DAPK1: variants seen among roughly 807,000 people sequenced by gnomAD.
DAPK1 encodes death-associated protein kinase 1.
Under a neutral mutation model 144.9 loss-of-function variants are expected in DAPK1, and 56 were observed. The ratio of observed to expected loss-of-function variants is 0.39; its 90% CI spans 0.31 to 0.48. DAPK1 has a LOEUF of 0.48. Among genes scored for constraint, DAPK1 ranks in the 20% least tolerant of loss-of-function variants. DAPK1 has a pLI of 0.95. For synonymous variants in DAPK1, 690 were observed against 749.0 expected (o/e 0.92, Z 1.29); for missense variants, 1,454 against 1,875.4 (o/e 0.78, Z 4.15).
rs1564058921 is a variant in DAPK1, at chr9:87,666,483, T to TTTTTG, written c.1924-2110_1924-2109insGTTTT. Among the ~76,000 whole-genome samples, 635 of 148,852 alleles carry TTTTTG rather than the reference T, an allele frequency of 4.3e-3. 6 individuals are homozygous for TTTTTG. The highest frequency in any genetic ancestry group is 0.015 in the African/African-American group (602 of 39,380). On this transcript the variant is annotated intron_variant, in intron 18 of 25. Transcript: ENST00000408954. ...TATATATGTTTTTGTTTTTGTTTTT[T>TTTTTG]TTTTTTTTGAGATGGAGTCTCATTC...
chr9:87,601,830 G>A (rs1463526436), intron 2 of DAPK1, among the ~76,000 whole-genome samples: 3 of 152,124 alleles, frequency 2.0e-5, no homozygotes, highest in African/African-American at 4.8e-5. Context: ...GCTTCTAGCC[G>A]TTACACAATT....
At chr9:87,598,102 G>A (rs1369459495) in intron 2 of DAPK1, among the ~76,000 whole-genome samples, 1 of 152,154 alleles carries the variant, frequency 6.6e-6, no homozygotes, top group Non-Finnish European at 1.5e-5. Flanking sequence ...TTGAGAAACC[G>A]TTTCTGTTCC....
chr9:87,572,975 C>A (rs568049145), intron 2 of DAPK1, among the ~76,000 whole-genome samples: 1 of 152,262 alleles, frequency 6.6e-6, no homozygotes, highest in South Asian at 2.1e-4. Flanking sequence ...AAACACACAG[C>A]TCTCCTCCCA....
intron 3 of DAPK1, among the ~76,000 whole-genome samples, chr9:87,611,143 T>A (rs1355350199): frequency 6.6e-6 from 1 of 152,204 alleles, no homozygotes; most frequent in Non-Finnish European, 1.5e-5. Flanking sequence ...AAGGGCAAGA[T>A]GCACACTTAG....
chr9:87,623,002 C>T (rs1383045552), intron 3 of DAPK1, among the ~76,000 whole-genome samples: 1 of 152,206 alleles, frequency 6.6e-6, no homozygotes, highest in East Asian at 1.9e-4. Flanking sequence ...CCTCAGCAAA[C>T]TGCCACTCAA....
At chr9:87,576,788 C>T (rs1827578384) in intron 2 of DAPK1, among the ~76,000 whole-genome samples, 1 of 152,168 alleles carries the variant, frequency 6.6e-6, no homozygotes, top group Non-Finnish European at 1.5e-5. Context: ...AAATTCCTGA[C>T]CTCAAGTGCT....
At chr9:87,596,421 C>T (rs1302310022) in intron 2 of DAPK1, among the ~76,000 whole-genome samples, 1 of 152,186 alleles carries the variant, frequency 6.6e-6, no homozygotes, top group Non-Finnish European at 1.5e-5. Flanking sequence ...CAGCAATAAG[C>T]CCTGCCCAGC....
intron 2 of DAPK1, among the ~76,000 whole-genome samples, chr9:87,561,370 CA>C (rs1211779266): frequency 2.0e-5 from 3 of 152,054 alleles, no homozygotes; most frequent in Non-Finnish European, 2.9e-5. Context: ...CCTAAAAATA[CA>C]AAAAATTAGC....
rs115714967 is a variant in DAPK1 at position 87,610,688 on chromosome 9, A to G, written c.284+5513A>G. Among the ~76,000 whole-genome samples the G allele has an allele frequency of 3.9e-3, 594 of 152,330 alleles. 1 individual carries two copies. Among genetic ancestry groups the G allele is most frequent in the Middle Eastern group, 0.017 (5 of 294 alleles). On this transcript the variant is annotated intron_variant, in intron 3 of 25. Transcript: ENST00000408954. Reference sequence around the variant, plus strand: ...GGATGGTTGGCCTCCATGAAGCCTCAGTGTCAGGGATGCACCAGCCGTGGA... The same window carrying G: ...GGATGGTTGGCCTCCATGAAGCCTCGGTGTCAGGGATGCACCAGCCGTGGA...
At chr9:87,620,854 T>C (rs1264757433) in intron 3 of DAPK1, among the ~76,000 whole-genome samples, 3 of 152,210 alleles carry the variant, frequency 2.0e-5, no homozygotes, top group Non-Finnish European at 4.4e-5. Flanking sequence ...CCAGTTATAA[T>C]TACCCAGGCT....
intron 2 of DAPK1, among the ~76,000 whole-genome samples, chr9:87,555,117 T>C (rs1403251079): frequency 6.6e-6 from 1 of 152,186 alleles, no homozygotes; most frequent in African/African-American, 2.4e-5. Context: ...GCAGCCTCAG[T>C]ATTATGACTT....
intron 3 of DAPK1, among the ~76,000 whole-genome samples, 154 bp from the exon 4 acceptor site, chr9:87,637,789 C>T (rs1439181100): frequency 6.6e-6 from 1 of 152,212 alleles, no homozygotes; most frequent in Non-Finnish European, 1.5e-5. Context: ...TTGTCAACAA[C>T]CTGCACAGAG....
intron 2 of DAPK1, among the ~76,000 whole-genome samples, chr9:87,570,422 C>A (rs1452847042): frequency 6.6e-6 from 1 of 152,204 alleles, no homozygotes; most frequent in Non-Finnish European, 1.5e-5. Flanking sequence ...TGATGTAAAT[C>A]TGCCAGATGC....
In DAPK1 at chr9:87,686,528, A is replaced by T. The variant is rs557770953; in HGVS notation, c.2225-23A>T. Reference sequence around the variant, plus strand: ...CACACGCTGCCCCCATCGAGTACTCATGTGATCCTTTCCATCCTGCAGTCT... The same window carrying T: ...CACACGCTGCCCCCATCGAGTACTCTTGTGATCCTTTCCATCCTGCAGTCT... On this transcript the variant is annotated intron_variant, in intron 20 of 25. Coordinates refer to ENST00000408954, the MANE Select transcript of DAPK1 (RefSeq NM_004938.4). This position sits in a 1 kb window ranked among gnomAD's most constrained non-coding sequence, Gnocchi z 4.2. The T allele has an allele frequency of 6.3e-6, 9 of 1,438,544 alleles. No homozygotes were observed. Among genetic ancestry groups the T allele is most frequent in the Non-Finnish European group, 8.6e-6 (9 of 1,044,224 alleles). The allele number at this position is 1,438,544 out of a possible 1,614,324, so 89.1% of individuals were successfully genotyped here.
intron 19 of DAPK1, among the ~76,000 whole-genome samples, chr9:87,670,553 C>A (rs1831217107): frequency 6.6e-6 from 1 of 152,264 alleles, no homozygotes; most frequent in African/African-American, 2.4e-5. Context: ...CAGGTGTGCT[C>A]AGGTTTCCAC....
In DAPK1 at chr9:87,645,994, G is replaced by A. The variant is rs1489329425; in HGVS notation, c.1111G>A (p.Asp371Asn). ...CCTTCTGGGCTCATTATCCAACTATGATGTTAACCAACCCAACAAGGTCTG... is the reference window on the plus strand; with the variant it reads ...CCTTCTGGGCTCATTATCCAACTATAATGTTAACCAACCCAACAAGGTCTG... ...QHLLGSLSNY[D>N]VNQPNKHGTP... The change falls in exon 12 of 26, where the codon GAT becomes AAT. Residue 371 changes from aspartate (D) to asparagine (N), a missense_variant. Around this residue, in one of 2 missense-constraint regions of DAPK1, gnomAD observed 429 missense variants for 637.5 expected, o/e 0.67. Transcript: ENST00000408954. 2 of 1,614,050 alleles carry A rather than the reference G, an allele frequency of 1.2e-6. No homozygotes were observed. Among genetic ancestry groups the A allele is most frequent in the Admixed American group, 1.7e-5 (1 of 60,014 alleles).
intron 3 of DAPK1, 106 bp from the exon 4 acceptor site, chr9:87,637,835 CTT>C (rs1564036086): frequency 1.6e-6 from 2 of 1,261,346 alleles, no homozygotes; most frequent in Admixed American, 2.1e-5. Context: ...TCAGCATAGT[CTT>C]TATGCTGTTT....
chr9:87,559,153 T>C (rs1826818453), intron 2 of DAPK1, among the ~76,000 whole-genome samples: 1 of 152,232 alleles, frequency 6.6e-6, no homozygotes, highest in Non-Finnish European at 1.5e-5. Flanking sequence ...TTTAATCTAC[T>C]TAACCCTATA....
chr9:87,696,982 T>A, intron 21 of DAPK1, 25 bp from the exon 22 acceptor site: 1 of 1,240,584 alleles, frequency 8.1e-7, no homozygotes, highest in South Asian at 1.2e-5. Context: ...GTTTCACGAT[T>A]GTTATCATTT....
Sources: allele counts gnomAD v4.1 joint callset (sites outside exome capture counted in the v4.1 genomes callset), GRCh38; gene constraint gnomAD v4.1.1; regional missense constraint gnomAD v4.1.1; non-coding constraint Gnocchi (gnomAD v3.1); transcripts MANE v1.5; gene names NCBI Gene and HGNC (gene_info 2026-07-23, HGNC 2026-07-21).